SUSD4: variants seen among roughly 807,000 people sequenced by gnomAD.
SUSD4 encodes sushi domain containing 4, also known as sushi domain-containing protein 4.
Under a neutral mutation model 50.5 loss-of-function variants are expected in SUSD4, and 41 were observed. The observed-to-expected ratio is 0.81, with a 90% CI of 0.63 to 1.05. The LOEUF (loss-of-function observed/expected upper bound fraction) is 1.05. Ranked by LOEUF, SUSD4 falls within the 50% of genes least tolerant of loss-of-function variation. SUSD4 has a pLI of 0.00. For missense variants in SUSD4, 580 were observed against 634.7 expected (o/e 0.91, Z 0.93); for synonymous variants, 257 against 257.3 (o/e 1.00, Z 0.01).
intron 3 of SUSD4, among the ~76,000 whole-genome samples, chr1:223,275,912 G>A (rs530270190): frequency 6.6e-6 from 1 of 152,318 alleles, no homozygotes; most frequent in East Asian, 1.9e-4. Context: ...CCTAATCCGC[G>A]CAAGCTGGGG....
chr1:223,347,143 T>C (rs761930028), intron 2 of SUSD4, among the ~76,000 whole-genome samples: 4 of 152,190 alleles, frequency 2.6e-5, no homozygotes, highest in Non-Finnish European at 2.9e-5. Context: ...AGGCAAGCAA[T>C]AAGCAATATG....
chr1:223,258,000 C>T (rs1661820538), intron 5 of SUSD4, among the ~76,000 whole-genome samples: 1 of 152,190 alleles, frequency 6.6e-6, no homozygotes, highest in Non-Finnish European at 1.5e-5. Flanking sequence ...GGTGGGCCCT[C>T]ATCACACCCC....
chr1:223,223,817 G>A (rs1274563002), intron 7 of SUSD4, among the ~76,000 whole-genome samples, 186 bp from the exon 8 acceptor site: 4 of 152,214 alleles, frequency 2.6e-5, no homozygotes, highest in Admixed American at 6.5e-5. Context: ...CTGCCATCCC[G>A]GCTGCCCATG....
chr1:223,223,516 C>A lies in SUSD4; in HGVS notation c.1177G>T (p.Gly393Trp). ...CCCTGGCCCACAGAGGCCATGTACC[C>A]GGGGCCTAAGGCACTCAAGCCGCCA... ...VSGGLSALGP[G>W]YMASVGQGCP... The change falls in exon 8 of 9, where the codon GGG becomes TGG. Residue 393 changes from glycine (G) to tryptophan (W), a missense_variant. Transcript: ENST00000366878. The A allele has an allele frequency of 6.2e-7, 1 of 1,612,614 alleles. No homozygotes were observed.
chr1:223,302,080 A>G (rs1241239035), intron 2 of SUSD4, among the ~76,000 whole-genome samples: 1 of 152,088 alleles, frequency 6.6e-6, no homozygotes, highest in Non-Finnish European at 1.5e-5. Flanking sequence ...GTCTCCTGAT[A>G]CAGTTCTCAC....
chr1:223,259,547 G>T (rs888599381), intron 5 of SUSD4, among the ~76,000 whole-genome samples: 1 of 152,182 alleles, frequency 6.6e-6, no homozygotes, highest in African/African-American at 2.4e-5. Context: ...TCTATAACTG[G>T]ATACCCAGCA....
At chr1:223,351,405 G>A (rs1668358351) in intron 2 of SUSD4, among the ~76,000 whole-genome samples, 1 of 152,240 alleles carries the variant, frequency 6.6e-6, no homozygotes, top group Admixed American at 6.5e-5. Context: ...GGAAGACCCT[G>A]CAGGAGAGCA....
At chr1:223,337,133 G>C (rs1009773944) in intron 2 of SUSD4, among the ~76,000 whole-genome samples, 1 of 152,220 alleles carries the variant, frequency 6.6e-6, no homozygotes, top group Non-Finnish European at 1.5e-5. Context: ...ATGCATAAAT[G>C]AATGACATTT....
intron 5 of SUSD4, among the ~76,000 whole-genome samples, chr1:223,245,956 T>C (rs1440965631): frequency 6.6e-6 from 1 of 152,122 alleles, no homozygotes; most frequent in African/African-American, 2.4e-5. Context: ...CAGAGCTTGG[T>C]TTTGCACTGG....
At chr1:223,243,868 T>C (rs1336796380) in intron 5 of SUSD4, among the ~76,000 whole-genome samples, 1 of 152,232 alleles carries the variant, frequency 6.6e-6, no homozygotes, top group East Asian at 1.9e-4. Flanking sequence ...GGGAGACTAT[T>C]ATGTTTGGAC....
intron 5 of SUSD4, among the ~76,000 whole-genome samples, chr1:223,258,694 A>C (rs562915388): frequency 4.6e-5 from 7 of 152,242 alleles, no homozygotes; most frequent in African/African-American, 1.7e-4. Context: ...CCACTGCCCA[A>C]GTCATTACAA....
rs745780449 is a variant in SUSD4 at position 223,292,440 on chromosome 1, T to C, written c.360A>G (p.Glu120=). Residue 120 remains glutamate (E), a splice_region_variant and synonymous_variant, in exon 3 of 9, where the codon GAA becomes GAG. Coordinates refer to ENST00000366878, the MANE Select transcript of SUSD4 (RefSeq NM_017982.4). ...IPSDNSICVQ[E]DCRIPQIEDA... ...TCCGTGGAGAAGTAAGCACTTTACC[T>C]TCTTGCACACAGATGGAATTATCAC... The C allele has an allele frequency of 6.2e-7, 1 of 1,614,176 alleles. No homozygotes were observed. Among genetic ancestry groups the C allele is most frequent in the South Asian group, 1.1e-5 (1 of 91,084 alleles).
At chr1:223,255,418 G>T (rs558903801) in intron 5 of SUSD4, among the ~76,000 whole-genome samples, 1 of 152,214 alleles carries the variant, frequency 6.6e-6, no homozygotes, top group Non-Finnish European at 1.5e-5. Flanking sequence ...TCATTGCTCT[G>T]GTCTCAAGTT....
chr1:223,327,736 A>C (rs780275363), intron 2 of SUSD4, among the ~76,000 whole-genome samples: 10 of 152,214 alleles, frequency 6.6e-5, no homozygotes, highest in Non-Finnish European at 1.2e-4. Flanking sequence ...GCCCAGGCAT[A>C]ATGAGCAAAG....
intron 5 of SUSD4, among the ~76,000 whole-genome samples, chr1:223,243,569 T>C (rs1660729322): frequency 1.3e-5 from 2 of 152,126 alleles, no homozygotes; most frequent in Non-Finnish European, 2.9e-5. Context: ...GATTTGGGGG[T>C]GTCAGCCGCA....
Position 223,255,116 on chromosome 1 carries a change from T to C in SUSD4, c.724+9514A>G, listed in dbSNP as rs143874675. ...TGTACTAATGTATGTGCCCAGGCCA[T>C]AGAATTCATTTTCAGTTCACAAAGG... On this transcript the variant is annotated intron_variant, in intron 5 of 8. Coordinates refer to ENST00000366878, the MANE Select transcript of SUSD4 (RefSeq NM_017982.4). 4.1e-3 allele frequency among the ~76,000 whole-genome samples: 626 copies of C among 152,320 alleles called. 2 individuals carry two copies. The highest frequency in any genetic ancestry group is 0.014 in the African/African-American group (595 of 41,562).
intron 2 of SUSD4, among the ~76,000 whole-genome samples, chr1:223,301,392 C>T (rs775337047): frequency 5.3e-5 from 8 of 152,176 alleles, no homozygotes; most frequent in Non-Finnish European, 1.0e-4. Context: ...GTACCACATT[C>T]CTGGGGATGA....
Position 223,229,091 on chromosome 1 carries a change from C to T in SUSD4, c.916+106G>A. 9 of 1,171,250 alleles carry T rather than the reference C, an allele frequency of 7.7e-6. No individual in the cohort carries two copies. The South Asian group carries it at 1.5e-4, about 20-fold the overall frequency. The allele number at this position is 1,171,250 out of a possible 1,614,324, so 72.6% of individuals were successfully genotyped here. The stretch of plus-strand genomic sequence containing the variant: ...ATGTTTCGATATCCTGTTCCTGACA[C>T]TGGGTGGGGGAGGAGAGATACAGCT... On this transcript the variant is annotated intron_variant, in intron 6 of 8. Transcript: ENST00000366878. This position sits in a 1 kb window ranked among gnomAD's most constrained non-coding sequence, Gnocchi z 4.7.
At chr1:223,242,986 C>T (rs769144130) in intron 5 of SUSD4, among the ~76,000 whole-genome samples, 8 of 152,172 alleles carry the variant, frequency 5.3e-5, no homozygotes, top group Non-Finnish European at 1.0e-4. Flanking sequence ...ATTAGAGATG[C>T]GACTGAAGGC....
Sources: allele counts gnomAD v4.1 joint callset (sites outside exome capture counted in the v4.1 genomes callset), GRCh38; gene constraint gnomAD v4.1.1; non-coding constraint Gnocchi (gnomAD v3.1); transcripts MANE v1.5; gene names NCBI Gene and HGNC (gene_info 2026-07-23, HGNC 2026-07-21).